Variants in ASB5 observed in about 807,000 individuals in gnomAD.
ASB5 encodes the protein ankyrin repeat and SOCS box protein 5.
ASB5 carries 45 observed loss-of-function variants against 42.1 expected under a neutral mutation model. That is an observed-to-expected ratio of 1.07 (90% CI 0.84 to 1.37). The LOEUF (loss-of-function observed/expected upper bound fraction) is 1.37. Among genes scored for constraint, ASB5 ranks in the 40% most tolerant of loss-of-function variants. The pLI, the probability that ASB5 is intolerant of heterozygous loss-of-function variation, is 0.00. For synonymous variants in ASB5, 147 were observed against 150.6 expected (o/e 0.98, Z 0.18); for missense variants, 402 against 399.8 (o/e 1.01, Z -0.05).
intron 1 of ASB5, among the ~76,000 whole-genome samples, chr4:176,253,886 C>A (rs539093639): frequency 6.6e-6 from 1 of 152,006 alleles, no homozygotes; most frequent in African/African-American, 2.4e-5. Flanking sequence ...TGAGGAGAAC[C>A]ACAAAACAGT....
chr4:176,228,739 T>C (rs1009220606), intron 1 of ASB5, among the ~76,000 whole-genome samples: 1 of 152,200 alleles, frequency 6.6e-6, no homozygotes, highest in East Asian at 1.9e-4. Flanking sequence ...TCATAACTTA[T>C]AGGAAATTGG....
intron 1 of ASB5, among the ~76,000 whole-genome samples, chr4:176,236,052 A>G (rs543274670): frequency 6.6e-6 from 1 of 152,290 alleles, no homozygotes; most frequent in South Asian, 2.1e-4. Context: ...TCGAAAAAAA[A>G]TTGTATAGAA....
intron 1 of ASB5, chr4:176,237,151 G>C (rs1319620311): frequency 2.1e-6 from 1 of 469,456 alleles, no homozygotes; most frequent in African/African-American, 2.1e-5. Flanking sequence ...CAAGAATACA[G>C]AGCAGTCCTT....
intron 1 of ASB5, among the ~76,000 whole-genome samples, chr4:176,250,568 C>T (rs758961807): frequency 6.6e-6 from 1 of 152,074 alleles, no homozygotes; most frequent in Non-Finnish European, 1.5e-5. Context: ...CCAGTGATCC[C>T]GTCTAACTCC....
intron 5 of ASB5, among the ~76,000 whole-genome samples, chr4:176,218,391 A>AATATATATTTGTATGATATATAAAT (rs1561250147): frequency 5.2e-3 from 125 of 24,234 alleles, no homozygotes; most frequent in Non-Finnish European, 7.7e-3. Flanking sequence ...ATGATATATA[A>AATATATATTTGTATGATATATAAAT]ATATATATTT....
At chr4:176,237,786 G>A (rs1332496845) in intron 1 of ASB5, among the ~76,000 whole-genome samples, 1 of 152,202 alleles carries the variant, frequency 6.6e-6, no homozygotes, top group African/African-American at 2.4e-5. Context: ...AAAGATAAAA[G>A]CCTATTTAAA....
upstream of ASB5, among the ~76,000 whole-genome samples, chr4:176,274,193 A>G (rs1410602428): frequency 1.3e-5 from 2 of 152,234 alleles, no homozygotes; most frequent in African/African-American, 2.4e-5. Flanking sequence ...CTGAGATTTG[A>G]AAAGGCAGCA....
Position 176,231,659 on chromosome 4 carries a change from C to CAAAAA in ASB5, c.197-6323_197-6319dup, listed in dbSNP as rs11362445. 5.9e-4 allele frequency among the ~76,000 whole-genome samples: 60 copies of CAAAAA among 101,882 alleles called. 1 individual carries two copies. The highest frequency in any genetic ancestry group is 1.0e-3 in the Non-Finnish European group (52 of 51,952). 66.8% of individuals were successfully genotyped at this position (101,882 alleles called of 152,430 possible). The stretch of plus-strand genomic sequence containing the variant: ...GCAACATAGTGAGAACTTGTCTCTG[C>CAAAAA]AAAAAAAAAAAAAAAAAAATGTAAA... On this transcript the variant is annotated intron_variant, in intron 1 of 6. Transcript: ENST00000296525.
At chr4:176,268,821 A>T (rs1754411959) in intron 1 of ASB5, 92 bp downstream of exon 1, 2 of 1,081,266 alleles carry the variant, frequency 1.8e-6, no homozygotes, top group South Asian at 4.9e-5. Context: ...TAAAATATTT[A>T]CCTTGAAGCA....
rs869080360 is a variant in ASB5 at position 176,224,221 on chromosome 4, A to ATTTTTTT, written c.276+1034_276+1040dup. Among the ~76,000 whole-genome samples, 84 of 87,222 alleles carry ATTTTTTT rather than the reference A, an allele frequency of 9.6e-4. 9 individuals carry two copies. The highest frequency in any genetic ancestry group is 2.2e-3 in the South Asian group (4 of 1,800). The allele number at this position is 87,222 out of a possible 152,430, so 57.2% of individuals were successfully genotyped here. On this transcript the variant is annotated intron_variant, in intron 2 of 6. Coordinates refer to ENST00000296525, the MANE Select transcript of ASB5 (RefSeq NM_080874.4). ...ACTTCCAGATCTGGATGTGCATTTG[A>ATTTTTTT]TTTTTTTTTTTTTTTTTTTTTTTTT...
At chr4:176,266,346 A>G (rs1754355405) in intron 1 of ASB5, among the ~76,000 whole-genome samples, 1 of 152,178 alleles carries the variant, frequency 6.6e-6, no homozygotes, top group African/African-American at 2.4e-5. Context: ...CCTTGAAAGT[A>G]GGAATGAGAA....
chr4:176,221,350 A>G lies in ASB5; in HGVS notation c.536-61T>C, dbSNP rs1333548913. Reference sequence around the variant, plus strand: ...CCATCCACCCCACACACCTCACCCCAGGCTTCCCTTGTGGTGTCATTCATT... The same window carrying G: ...CCATCCACCCCACACACCTCACCCCGGGCTTCCCTTGTGGTGTCATTCATT... On this transcript the variant is annotated intron_variant, in intron 4 of 6. Transcript: ENST00000296525. 4 of 1,601,276 alleles carry G rather than the reference A, an allele frequency of 2.5e-6. No homozygotes were observed. In the South Asian group the frequency reaches 3.4e-5, roughly 14 times the overall value.
In ASB5 at chr4:176,222,439, T is replaced by C; in HGVS notation, c.277-19A>G. The C allele has an allele frequency of 6.3e-7, 1 of 1,587,826 alleles. No individual in the cohort carries two copies. The highest frequency in any genetic ancestry group is 8.6e-7 in the Non-Finnish European group (1 of 1,156,800). ...TATAACCCTAAATGTGGCATAATTTTGAAAGGTGAGCAAAGAGTTATATAC... is the reference window on the plus strand; with the variant it reads ...TATAACCCTAAATGTGGCATAATTTCGAAAGGTGAGCAAAGAGTTATATAC... On this transcript the variant is annotated intron_variant, in intron 2 of 6. Coordinates refer to ENST00000296525, the MANE Select transcript of ASB5 (RefSeq NM_080874.4).
In ASB5 at chr4:176,216,824, G is replaced by T; in HGVS notation, c.856C>A (p.His286Asn). ...SSMVERILLQHEATPSSLYQL... is the reference protein window; with the variant it reads ...SSMVERILLQNEATPSSLYQL... The stretch of plus-strand genomic sequence containing the variant: ...CCACATGTATTTTTCTTACCTTCAT[G>T]TTGAAGCAATATCCTTTCCACCATA... Residue 286 changes from histidine to asparagine, a missense_variant, in exon 6 of 7, where the codon CAT becomes AAT. By Grantham distance (68) the His-to-Asn change is moderately conservative. Coordinates refer to ENST00000296525, the MANE Select transcript of ASB5 (RefSeq NM_080874.4). The T allele has an allele frequency of 6.4e-7, 1 of 1,573,614 alleles. No homozygotes were observed. Among genetic ancestry groups the T allele is most frequent in the Non-Finnish European group, 8.6e-7 (1 of 1,162,928 alleles).
chr4:176,216,425 A>G (rs1187465365), intron 6 of ASB5, among the ~76,000 whole-genome samples: 1 of 152,066 alleles, frequency 6.6e-6, no homozygotes, highest in African/African-American at 2.4e-5. Flanking sequence ...ATCCTGGCTC[A>G]CTGCAACCTC....
intron 2 of ASB5, among the ~76,000 whole-genome samples, chr4:176,222,663 T>C (rs1011246173): frequency 6.6e-6 from 1 of 152,224 alleles, no homozygotes; most frequent in Non-Finnish European, 1.5e-5. Context: ...TTTGGTTCAA[T>C]AGATTCTGGC....
At chr4:176,257,609 T>C (rs72708312) in intron 1 of ASB5, among the ~76,000 whole-genome samples, 44,415 of 152,052 alleles carry the variant, frequency 0.29, 6,694 homozygotes, top group Middle Eastern at 0.35. Context: ...ATAAAATAAA[T>C]GGCTTATTTT....
chr4:176,247,759 C>T (rs1210083855), intron 1 of ASB5, among the ~76,000 whole-genome samples: 1 of 152,104 alleles, frequency 6.6e-6, no homozygotes, highest in Non-Finnish European at 1.5e-5. Context: ...ATGAATTCCA[C>T]AAAAAGTCTT....
At chr4:176,238,155 A>G (rs1753731358) in intron 1 of ASB5, among the ~76,000 whole-genome samples, 1 of 148,980 alleles carries the variant, frequency 6.7e-6, no homozygotes, top group South Asian at 2.1e-4. Flanking sequence ...CCCGGGAGGC[A>G]GAGATTGTAC....
Sources: gnomAD v4.1 joint callset for allele counts (sites outside exome capture counted in the v4.1 genomes callset) on GRCh38, gnomAD v4.1.1 for gene constraint, MANE v1.5 for transcripts, NCBI Gene and HGNC (gene_info 2026-07-23, HGNC 2026-07-21) for gene names.